The following TTC7B variants were observed in gnomAD, a reference collection of about 807,000 sequenced individuals.
The protein encoded by TTC7B is tetratricopeptide repeat protein 7B.
TTC7B carries 28 observed loss-of-function variants against 106.8 expected under a neutral mutation model. The observed-to-expected ratio is 0.26, with a 90% CI of 0.19 to 0.36. The LOEUF (loss-of-function observed/expected upper bound fraction) is 0.36, where lower values mean the gene tolerates loss of function less well. Ranked by LOEUF, TTC7B falls within the 10% of genes least tolerant of loss-of-function variation. TTC7B has a pLI of 1.00. For synonymous variants in TTC7B, 405 were observed against 430.6 expected (o/e 0.94, Z 0.74); for missense variants, 862 against 1,076.4 (o/e 0.80, Z 2.79).
At chr14:90,783,610 G>C (rs1891288516) in intron 2 of TTC7B, among the ~76,000 whole-genome samples, 1 of 152,176 alleles carries the variant, frequency 6.6e-6, no homozygotes, top group Admixed American at 6.5e-5. Context: ...TATAAATCCA[G>C]AACTGGACTC....
chr14:90,588,033 C>T (rs1044883193), intron 18 of TTC7B, among the ~76,000 whole-genome samples: 6 of 152,190 alleles, frequency 3.9e-5, no homozygotes, highest in African/African-American at 7.2e-5. Flanking sequence ...GTGTGGTAAA[C>T]GTTAGCTGGA....
At chr14:90,644,484 A>C (rs1012117697) in intron 14 of TTC7B, among the ~76,000 whole-genome samples, 2 of 152,200 alleles carry the variant, frequency 1.3e-5, no homozygotes, top group Admixed American at 6.5e-5. Flanking sequence ...AGCTGCCAAT[A>C]CTGCTCCAAG....
intron 2 of TTC7B, among the ~76,000 whole-genome samples, chr14:90,785,196 C>A (rs765223103): frequency 6.6e-6 from 1 of 152,106 alleles, no homozygotes; most frequent in Non-Finnish European, 1.5e-5. Flanking sequence ...CTGGAGTTTG[C>A]AGTACAGATA....
At chr14:90,585,642 T>C (rs937955055) in intron 18 of TTC7B, 1 of 152,304 alleles carries the variant, frequency 6.6e-6, no homozygotes, top group Admixed American at 6.5e-5. Flanking sequence ...GCAATCAACG[T>C]GCTCCAATGG....
rs1466459003 is a variant in TTC7B, at chr14:90,526,933, C to G, written c.*14435G>C. The G allele has an allele frequency of 6.6e-6, 1 of 152,158 alleles. No homozygotes were observed. The highest frequency in any genetic ancestry group is 1.9e-4 in the East Asian group (1 of 5,192). 9.4% of individuals were successfully genotyped at this position (152,158 alleles called of 1,614,324 possible). A position where few individuals can be genotyped will look rare whatever the true frequency, so the allele number is the denominator to read the frequency against. ...ACGTACTAATACGGTGCCTTTCATC[C>G]AGGACCCCGTACCACCTAATATTTA... On this transcript the variant is annotated 3_prime_UTR_variant, in exon 20 of 20. Transcript: ENST00000328459.
intron 5 of TTC7B, among the ~76,000 whole-genome samples, chr14:90,720,749 C>T (rs1490060397): frequency 6.6e-6 from 1 of 152,168 alleles, no homozygotes; most frequent in African/African-American, 2.4e-5. Flanking sequence ...AAAAGAAAAG[C>T]TGCAGGTGAA....
chr14:90,555,214 C>T lies in TTC7B; in HGVS notation c.2311-13625G>A, dbSNP rs145745193. 4.7e-3 allele frequency among the ~76,000 whole-genome samples: 713 copies of T among 152,270 alleles called. 9 individuals are homozygous for T. Among genetic ancestry groups the T allele is most frequent in the African/African-American group, 0.017 (691 of 41,552 alleles). ...CCTGATGGTCAGCTGACCCTGGACC[C>T]CACGGCTCAGCACTCCCTACACCAA... On this transcript the variant is annotated intron_variant, in intron 19 of 19. Transcript: ENST00000328459.
rs1174960654 is a variant in TTC7B at position 90,615,418 on chromosome 14, C to T, written c.1868+2511G>A. ...CCAGCATGCTCAGAAGCAAGGAAGC[C>T]GGGAAGTCAGCACAGACCAGCTCCG... On this transcript the variant is annotated intron_variant, in intron 16 of 19. Transcript: ENST00000328459. Among the ~76,000 whole-genome samples, 3 of 152,206 alleles carry T rather than the reference C, an allele frequency of 2.0e-5. 1 individual carries two copies. Among genetic ancestry groups the T allele is most frequent in the South Asian group, 4.1e-4 (2 of 4,832 alleles).
rs1566753318 is a variant in TTC7B, at chr14:90,527,587, T to A, written c.*13781A>T. 2 of 142,958 alleles carry A rather than the reference T, an allele frequency of 1.4e-5. No homozygotes were observed. Among genetic ancestry groups the A allele is most frequent in the African/African-American group, 5.3e-5 (2 of 37,472 alleles). The allele number at this position is 142,958 out of a possible 1,614,324, so 8.9% of individuals were successfully genotyped here. A position where few individuals can be genotyped will look rare whatever the true frequency, so the allele number is the denominator to read the frequency against. On this transcript the variant is annotated 3_prime_UTR_variant, in exon 20 of 20. Coordinates refer to ENST00000328459, the MANE Select transcript of TTC7B (RefSeq NM_001010854.2). ...TTTTTTTTTTTTTTTTGAGATGGAGTCTCACTCTGTCGCCCAGGTGGGAGT... is the reference window on the plus strand; with the variant it reads ...TTTTTTTTTTTTTTTTGAGATGGAGACTCACTCTGTCGCCCAGGTGGGAGT...
chr14:90,745,000 C>A (rs1334143582), intron 3 of TTC7B, 78 bp from the exon 4 acceptor site: 7 of 1,397,096 alleles, frequency 5.0e-6, no homozygotes, highest in South Asian at 1.2e-5. Context: ...CTCTAGAGGG[C>A]CAGAAGATGG....
intron 9 of TTC7B, among the ~76,000 whole-genome samples, chr14:90,667,580 ATATTT>A (rs1406022053): frequency 6.6e-6 from 1 of 152,172 alleles, no homozygotes; most frequent in Non-Finnish European, 1.5e-5. Flanking sequence ...TGTACTCATT[ATATTT>A]TGAGTTTCAT....
At position 90,652,858 on chromosome 14, in the gene TTC7B, C is replaced by A; in HGVS notation, c.1500G>T (p.Ala500=). ...CCACTCACCTCTGAAATGCAAGAAG[C>A]GCCTTTCTCTGTAGGACCTCCTGCA... ...RGMQEVLQRK[A]LLAFQRAHSL... The change falls in exon 13 of 20, where the codon GCG becomes GCT. Residue 500 remains alanine, a synonymous_variant. Coordinates refer to ENST00000328459, the MANE Select transcript of TTC7B (RefSeq NM_001010854.2). The A allele has an allele frequency of 1.2e-6, 2 of 1,614,202 alleles. No homozygotes were observed. The highest frequency in any genetic ancestry group is 1.7e-6 in the Non-Finnish European group (2 of 1,180,028).
intron 15 of TTC7B, among the ~76,000 whole-genome samples, chr14:90,622,997 G>A (rs1416699173): frequency 2.0e-5 from 3 of 152,078 alleles, no homozygotes; most frequent in African/African-American, 7.2e-5. Flanking sequence ...CCATGACCCT[G>A]GGTGTTTGCA....
intron 5 of TTC7B, among the ~76,000 whole-genome samples, chr14:90,717,647 A>T (rs1323205273): frequency 6.6e-6 from 1 of 152,212 alleles, no homozygotes; most frequent in African/African-American, 2.4e-5. Context: ...TAAAAATATC[A>T]CTGCAAAAAA....
intron 15 of TTC7B, among the ~76,000 whole-genome samples, chr14:90,626,484 T>C (rs1177307274): frequency 6.6e-6 from 1 of 152,134 alleles, no homozygotes; most frequent in Non-Finnish European, 1.5e-5. Flanking sequence ...ATGTACCCAC[T>C]GAGGGGGTAC....
At chr14:90,739,227 G>A (rs896193508) in intron 4 of TTC7B, among the ~76,000 whole-genome samples, 12 of 152,202 alleles carry the variant, frequency 7.9e-5, no homozygotes, top group Non-Finnish European at 1.6e-4. Context: ...ATCTCTTAAG[G>A]AAATATTACA....
At chr14:90,711,802 T>TA (rs1174090346) in intron 5 of TTC7B, among the ~76,000 whole-genome samples, 1 of 152,132 alleles carries the variant, frequency 6.6e-6, no homozygotes, top group Non-Finnish European at 1.5e-5. Context: ...AACTATTTTT[T>TA]AACAACCATT....
At chr14:90,783,156 C>T (rs1184274217) in intron 2 of TTC7B, among the ~76,000 whole-genome samples, 4 of 152,204 alleles carry the variant, frequency 2.6e-5, no homozygotes, top group African/African-American at 7.2e-5. Context: ...TCAGGGGCCA[C>T]CTTGCTCACA....
chr14:90,702,987 A>G (rs1392379824), intron 5 of TTC7B, among the ~76,000 whole-genome samples: 2 of 152,224 alleles, frequency 1.3e-5, no homozygotes, highest in African/African-American at 4.8e-5. Flanking sequence ...TTCATCAAGA[A>G]GGGCCAGATC....
Sources: allele counts gnomAD v4.1 joint callset (sites outside exome capture counted in the v4.1 genomes callset), GRCh38; gene constraint gnomAD v4.1.1; transcripts MANE v1.5; gene names NCBI Gene and HGNC (gene_info 2026-07-23, HGNC 2026-07-21).